The following PAK1 variants were observed in gnomAD, a reference collection of about 807,000 sequenced individuals.
The protein encoded by PAK1 is serine/threonine-protein kinase PAK 1.
In PAK1, 29 loss-of-function variants were observed where a neutral mutation model predicts 67.4. The observed-to-expected ratio is 0.43, with a 90% CI of 0.32 to 0.59. PAK1 has a LOEUF of 0.59. Ranked by LOEUF, PAK1 falls within the 20% of genes least tolerant of loss-of-function variation. The pLI, the probability that PAK1 is intolerant of heterozygous loss-of-function variation, is 0.07. For missense variants in PAK1, 337 were observed against 670.7 expected (o/e 0.50, Z 5.50); for synonymous variants, 223 against 237.4 (o/e 0.94, Z 0.56).
chr11:77,367,086 C>T (rs1239304771), intron 5 of PAK1, among the ~76,000 whole-genome samples: 2 of 152,072 alleles, frequency 1.3e-5, no homozygotes, highest in Non-Finnish European at 2.9e-5. Context: ...AAGCAAAACA[C>T]AAAAGACTAC....
At chr11:77,368,983 G>A (rs948017585) in intron 5 of PAK1, among the ~76,000 whole-genome samples, 4 of 152,152 alleles carry the variant, frequency 2.6e-5, no homozygotes, top group Non-Finnish European at 5.9e-5. Flanking sequence ...ATCTTCACAT[G>A]TCCAAACATA....
Position 77,379,242 on chromosome 11 carries a change from T to C in PAK1, c.438A>G (p.Thr146=). The C allele has an allele frequency of 6.2e-7, 1 of 1,611,644 alleles. No homozygotes were observed. The highest frequency in any genetic ancestry group is 2.2e-5 in the East Asian group (1 of 44,770). ...TSNSQKYMSF[T]DKSAEDYNSS... ...CTGCCCTGGACGCAGTTCTCATACC[T>C]GTAAAGCTCATGTATTTCTGGCTGT... Residue 146 remains threonine (T), a splice_region_variant and synonymous_variant, in exon 4 of 15, where the codon ACA becomes ACG. Coordinates refer to ENST00000356341, the MANE Select transcript of PAK1 (RefSeq NM_002576.5).
chr11:77,339,974 T>C (rs1297248951), intron 11 of PAK1, among the ~76,000 whole-genome samples: 1 of 152,170 alleles, frequency 6.6e-6, no homozygotes, highest in Non-Finnish European at 1.5e-5. Context: ...GGAAATGAAA[T>C]GTGGTTATTC....
intron 1 of PAK1, among the ~76,000 whole-genome samples, chr11:77,449,544 T>A (rs1956765014): frequency 6.6e-6 from 1 of 152,170 alleles, no homozygotes; most frequent in South Asian, 2.1e-4. Flanking sequence ...GACTCTTTTA[T>A]CATCTCACTT....
At chr11:77,403,997 T>C (rs1953082617) in intron 1 of PAK1, among the ~76,000 whole-genome samples, 1 of 152,142 alleles carries the variant, frequency 6.6e-6, no homozygotes, top group Non-Finnish European at 1.5e-5. Context: ...CCCACTTCCC[T>C]TGTTACTCTT....
intron 2 of PAK1, among the ~76,000 whole-genome samples, chr11:77,387,230 A>G: frequency 6.7e-6 from 1 of 150,154 alleles, no homozygotes; most frequent in East Asian, 2.0e-4. Flanking sequence ...CTGCCACCAC[A>G]ACCGGCTAAT....
intron 1 of PAK1, among the ~76,000 whole-genome samples, chr11:77,453,658 T>C (rs1409544145): frequency 6.6e-6 from 1 of 152,120 alleles, no homozygotes; most frequent in Non-Finnish European, 1.5e-5. Flanking sequence ...TACATATTAG[T>C]TATAAGAGCA....
intron 1 of PAK1, among the ~76,000 whole-genome samples, chr11:77,444,810 G>A (rs1354622227): frequency 6.6e-6 from 1 of 151,992 alleles, no homozygotes; most frequent in Non-Finnish European, 1.5e-5. Context: ...AAAACTCCTT[G>A]GTTCCACCAA....
rs1204322771 is a variant in PAK1, at chr11:77,355,825, C to G, written c.615G>C (p.Val205=). The change falls in exon 7 of 15, where the codon GTG becomes GTC. Residue 205 remains valine (V), a synonymous_variant. Coordinates refer to ENST00000356341, the MANE Select transcript of PAK1 (RefSeq NM_002576.5). ...TTGGAGTGACAGGAAGTGGTTCAAT[C>G]ACAGACCGTGTGTATACCTGCATTA... is the stretch of plus-strand genomic sequence containing the variant. The part of the protein sequence containing the change: ...EHTKSVYTRS[V]IEPLPVTPTR... 1 of 1,613,560 alleles carries G rather than the reference C, an allele frequency of 6.2e-7. No individual in the cohort carries two copies. The highest frequency in any genetic ancestry group is 8.5e-7 in the Non-Finnish European group (1 of 1,179,652).
At chr11:77,363,854 T>A (rs150491350) in intron 5 of PAK1, among the ~76,000 whole-genome samples, 2,094 of 152,294 alleles carry the variant, frequency 0.014, 19 homozygotes, top group Non-Finnish European at 0.018. Context: ...ACTCCTGAAC[T>A]TTGGGTTAAA....
intron 5 of PAK1, among the ~76,000 whole-genome samples, chr11:77,367,198 GAAT>G (rs1185193114): frequency 2.0e-5 from 3 of 152,328 alleles, no homozygotes; most frequent in African/African-American, 7.2e-5. Flanking sequence ...GAGTTTGAAT[GAAT>G]GGTAAAAGGG....
chr11:77,365,802 C>T (rs903632271), intron 5 of PAK1, among the ~76,000 whole-genome samples: 3 of 151,546 alleles, frequency 2.0e-5, no homozygotes, highest in Non-Finnish European at 4.4e-5. Context: ...CACTGTACTC[C>T]AGCCTGGGCG....
Position 77,447,362 on chromosome 11 carries a change from G to A in PAK1, c.-22+26190C>T, listed in dbSNP as rs1225400754. On this transcript the variant is annotated intron_variant, in intron 1 of 14. Transcript: ENST00000356341. The stretch of plus-strand genomic sequence containing the variant: ...AGGTTACCAGCACCTAACAAAAATA[G>A]GACAAAACTTGGAGGCGAAAGATTT... 2.1e-5 allele frequency among the ~76,000 whole-genome samples: 3 copies of A among 141,988 alleles called. No homozygotes were observed. In the East Asian group the frequency reaches 5.8e-4, roughly 27 times the overall value. 93.1% of individuals were successfully genotyped at this position (141,988 alleles called of 152,430 possible).
chr11:77,340,462 TA>T (rs150792135), intron 11 of PAK1, among the ~76,000 whole-genome samples, 183 bp downstream of exon 11: 4,744 of 149,906 alleles, frequency 0.032, 130 homozygotes, highest in African/African-American at 0.077. Flanking sequence ...AAGTTATCGT[TA>T]AAAAAAAAAT....
At chr11:77,487,913 G>T in the PAK1 span, among the ~76,000 whole-genome samples, 1 of 152,124 alleles carries the variant, frequency 6.6e-6, no homozygotes, top group Admixed American at 6.5e-5. Flanking sequence ...AGAGCCCTAG[G>T]GCCTTGAGTG....
intron 1 of PAK1, among the ~76,000 whole-genome samples, chr11:77,419,048 A>G (rs994574284): frequency 6.6e-6 from 1 of 152,206 alleles, no homozygotes; most frequent in Admixed American, 6.5e-5. Context: ...TTGGTTACCA[A>G]AAGTTAACTG....
the PAK1 span, among the ~76,000 whole-genome samples, chr11:77,524,254 G>A: frequency 6.6e-6 from 1 of 152,152 alleles, no homozygotes; most frequent in Non-Finnish European, 1.5e-5. Context: ...CCTCATGTCT[G>A]GACTTTTCCT....
the PAK1 span, among the ~76,000 whole-genome samples, chr11:77,483,821 G>A: frequency 1.3e-5 from 2 of 152,126 alleles, no homozygotes; most frequent in African/African-American, 4.8e-5. Context: ...AGCAATTCGT[G>A]GAGATGAAAA....
chr11:77,485,246 T>C, the PAK1 span, among the ~76,000 whole-genome samples: 1 of 152,188 alleles, frequency 6.6e-6, no homozygotes, highest in Non-Finnish European at 1.5e-5. Context: ...TAAGCTCTAG[T>C]ATTTGATACC....
Sources: gnomAD v4.1 joint callset for allele counts (sites outside exome capture counted in the v4.1 genomes callset) on GRCh38, gnomAD v4.1.1 for gene constraint, MANE v1.5 for transcripts, NCBI Gene and HGNC (gene_info 2026-07-23, HGNC 2026-07-21) for gene names.